Variants in EP300 observed in about 807,000 individuals in gnomAD.
The protein encoded by EP300 is histone acetyltransferase p300.
A neutral mutation model predicts 264.0 loss-of-function variants in EP300; 31 were observed. The observed-to-expected ratio is 0.12, with a 90% CI of 0.09 to 0.16. EP300 has a LOEUF of 0.16. EP300 is among the 10% of genes least tolerant of loss of function. The pLI is 1.00. For synonymous variants in EP300, 1,340 were observed against 1,045.4 expected, an observed-to-expected ratio of 1.28 and a Z score of -5.44; for missense variants, 2,766 against 3,052.9, an observed-to-expected ratio of 0.91 and a Z score of 2.21.
In EP300 at chr22:41,137,645, T is replaced by C; in HGVS notation, c.1623-8T>C. 6.2e-7 allele frequency: 1 copy of C among 1,614,164 alleles called. No homozygotes were observed. Among genetic ancestry groups the C allele is most frequent in the East Asian group, 2.2e-5 (1 of 44,876 alleles). On this transcript the variant is annotated splice_region_variant and splice_polypyrimidine_tract_variant and intron_variant, in intron 7 of 30. Coordinates refer to ENST00000263253, the MANE Select transcript of EP300 (RefSeq NM_001429.4). ...TCACTAAAACTATTTGGTGACCCCT[T>C]TTTGAAGCCCAATGATGAGTGAAAA... is the stretch of plus-strand genomic sequence containing the variant.
chr22:41,095,598 T>C (rs2058697983), intron 1 of EP300, among the ~76,000 whole-genome samples: 1 of 152,042 alleles, frequency 6.6e-6, no homozygotes, highest in African/African-American at 2.4e-5. Flanking sequence ...CAGGTAACTT[T>C]TATTGGAGGC....
rs1213116006 is a variant in EP300 at position 41,177,918 on chromosome 22, G to A, written c.6207G>A (p.Gln2069=). Residue 2069 remains glutamine, a synonymous_variant, in exon 31 of 31, where the codon CAG becomes CAA. Transcript: ENST00000263253. ...CCAGCTCTCCCCTGCAGCAGCAACA[G>A]GTGCTTAGTATCCTTCACGCCAACC... is the stretch of plus-strand genomic sequence containing the variant. ...RSPSSPLQQQ[Q]VLSILHANPQ... The A allele has an allele frequency of 6.2e-7, 1 of 1,614,214 alleles. No individual in the cohort carries two copies. The highest frequency in any genetic ancestry group is 8.5e-7 in the Non-Finnish European group (1 of 1,180,036).
chr22:41,167,578 GTGTGTGTATATATATATATA>G (rs1316671167), intron 23 of EP300, among the ~76,000 whole-genome samples: 5 of 27,676 alleles, frequency 1.8e-4, no homozygotes, highest in Admixed American at 6.4e-4. Context: ...GTGTGTGTGT[GTGTGTGTATATATATATATA>G]TATATATATA....
At chr22:41,150,857 C>T (rs934302117) in intron 14 of EP300, among the ~76,000 whole-genome samples, 1 of 150,596 alleles carries the variant, frequency 6.6e-6, no homozygotes, top group South Asian at 2.1e-4. Flanking sequence ...CGCCACTGCA[C>T]TCTAGCCTAG....
chr22:41,122,136 G>A (rs2058855488), intron 2 of EP300, among the ~76,000 whole-genome samples: 1 of 96,286 alleles, frequency 1.0e-5, no homozygotes, highest in South Asian at 4.6e-4. Context: ...AATCAAGAAG[G>A]TTTTTTTCTT....
rs1165581771 is a variant in EP300, at chr22:41,178,401, C to A, written c.6690C>A (p.His2230Gln). Residue 2230 changes from histidine (H) to glutamine (Q), a missense_variant, in exon 31 of 31, where the codon CAC becomes CAA. His to Gln is a conservative substitution (Grantham distance 24). Coordinates refer to ENST00000263253, the MANE Select transcript of EP300 (RefSeq NM_001429.4). Reference protein sequence around the residue: ...PPQQQQRMQHHMQQMQQGNMG... With the variant: ...PPQQQQRMQHQMQQMQQGNMG... ...AGCAGCAGCAGCGGATGCAGCATCA[C>A]ATGCAACAGATGCAACAAGGAAATA... The A allele has an allele frequency of 6.2e-7, 1 of 1,614,184 alleles. No individual in the cohort carries two copies. Among genetic ancestry groups the A allele is most frequent in the Non-Finnish European group, 8.5e-7 (1 of 1,180,032 alleles).
chr22:41,167,582 GTGTATATATATATATATATATATATATA>G lies in EP300; in HGVS notation c.3875-865_3875-838del, dbSNP rs1394194803. Among the ~76,000 whole-genome samples the G allele has an allele frequency of 9.8e-3, 212 of 21,682 alleles. 5 individuals are homozygous for G. The East Asian group carries it at 0.19, about 19-fold the overall frequency. The allele number at this position is 21,682 out of a possible 152,430, so 14.2% of individuals were successfully genotyped here. A position where few individuals can be genotyped will look rare whatever the true frequency, so the allele number is the denominator to read the frequency against. ...TATTTGTGTGTGTGTGTGTGTGTGT[GTGTATATATATATATATATATATATATA>G]TATATATATATATATATATATATAT... On this transcript the variant is annotated intron_variant, in intron 23 of 30. Coordinates refer to ENST00000263253, the MANE Select transcript of EP300 (RefSeq NM_001429.4).
chr22:41,154,967 A>T (rs1451824077), intron 16 of EP300, 28 bp from the exon 17 acceptor site: 1 of 1,454,824 alleles, frequency 6.9e-7, no homozygotes. Context: ...ATTGGTAACT[A>T]ATTTCAAATG....
chr22:41,147,737 C>CA lies in EP300; in HGVS notation c.2132-87dup, dbSNP rs766424236. On this transcript the variant is annotated intron_variant, in intron 11 of 30. Transcript: ENST00000263253. ...TGGGCGACAGAGCAAGACTCCGTCT[C>CA]AAAAAAAAAAAAAGATACAGAATCA... 0.11 allele frequency: 75,170 copies of CA among 710,630 alleles called. 80 individuals carry two copies. Among genetic ancestry groups the CA allele is most frequent in the Non-Finnish European group, 0.12 (51,223 of 441,300 alleles). The allele number at this position is 710,630 out of a possible 1,614,324, so 44.0% of individuals were successfully genotyped here.
chr22:41,103,350 G>C (rs901473991), intron 1 of EP300, among the ~76,000 whole-genome samples: 6 of 152,128 alleles, frequency 3.9e-5, no homozygotes, highest in Non-Finnish European at 7.3e-5. Context: ...CCAAGTCTTA[G>C]GTATTTGCAA....
intron 17 of EP300, 40 bp from the exon 18 acceptor site, chr22:41,157,129 G>C: frequency 6.2e-7 from 1 of 1,613,146 alleles, no homozygotes; most frequent in Non-Finnish European, 8.5e-7. Context: ...CGTAAAAATA[G>C]TGAGACTTGA....
At chr22:41,108,516 T>C (rs2058771076) in intron 1 of EP300, among the ~76,000 whole-genome samples, 1 of 152,144 alleles carries the variant, frequency 6.6e-6, no homozygotes, top group Non-Finnish European at 1.5e-5. Flanking sequence ...TCCAAAGTGG[T>C]AGGATTATAG....
At chr22:41,147,740 A>G in intron 11 of EP300, 97 bp from the exon 12 acceptor site, 1 of 943,930 alleles carries the variant, frequency 1.1e-6, no homozygotes, top group Non-Finnish European at 1.7e-6. Flanking sequence ...TCCGTCTCAA[A>G]AAAAAAAAAA....
At chr22:41,113,165 C>CCCCCA (rs1555905090) in intron 1 of EP300, among the ~76,000 whole-genome samples, 1 of 143,418 alleles carries the variant, frequency 7.0e-6, no homozygotes, top group Admixed American at 7.2e-5. Flanking sequence ...CCACCCCCCC[C>CCCCCA]CCAACTTATG....
chr22:41,133,225 TG>T (rs1739956801), intron 6 of EP300, among the ~76,000 whole-genome samples: 1 of 140,420 alleles, frequency 7.1e-6, no homozygotes, highest in African/African-American at 2.6e-5. Context: ...GGCACGATCT[TG>T]GCTCACTGCA....
At chr22:41,115,099 C>G (rs1399244513) in intron 1 of EP300, among the ~76,000 whole-genome samples, 1 of 152,048 alleles carries the variant, frequency 6.6e-6, no homozygotes. Context: ...ATGCCCAACA[C>G]CCAGTAATGC....
chr22:41,156,881 T>A (rs1013817091), intron 17 of EP300, among the ~76,000 whole-genome samples: 2 of 152,268 alleles, frequency 1.3e-5, no homozygotes, highest in African/African-American at 4.8e-5. Flanking sequence ...TCTTTGACTT[T>A]ACTGATCTCA....
intron 8 of EP300, among the ~76,000 whole-genome samples, chr22:41,138,460 G>C (rs575287947): frequency 3.9e-4 from 60 of 152,236 alleles, no homozygotes; most frequent in African/African-American, 1.3e-3. Context: ...CACCACGCCT[G>C]TCCTGGTAGA....
intron 2 of EP300, among the ~76,000 whole-genome samples, chr22:41,124,850 A>G (rs1006488261): frequency 6.6e-6 from 1 of 152,182 alleles, no homozygotes; most frequent in African/African-American, 2.4e-5. Context: ...AACTCTGTAC[A>G]TTTACCATAC....
Sources: allele counts gnomAD v4.1 joint callset (sites outside exome capture counted in the v4.1 genomes callset), GRCh38; gene constraint gnomAD v4.1.1; transcripts MANE v1.5; gene names NCBI Gene and HGNC (gene_info 2026-07-23, HGNC 2026-07-21).